Variants in TRMO observed in about 807,000 individuals in gnomAD.
TRMO encodes tRNA methyltransferase O.
Under a neutral mutation model 37.2 loss-of-function variants are expected in TRMO, and 30 were observed. That is an observed-to-expected ratio of 0.81 (90% CI 0.60 to 1.09). The LOEUF (loss-of-function observed/expected upper bound fraction) is 1.09, where lower values mean the gene tolerates loss of function less well. Ranked by LOEUF, TRMO falls within the 50% of genes least tolerant of loss-of-function variation. The probability of loss-of-function intolerance (pLI) is 0.00; values close to 1 mark genes in which losing one functional copy is unlikely to be tolerated. For missense variants in TRMO, 552 were observed against 549.5 expected, an observed-to-expected ratio of 1.00 and a Z score of -0.05; for synonymous variants, 239 against 199.4, an observed-to-expected ratio of 1.20 and a Z score of -1.67.
intron 3 of TRMO, chr9:97,912,972 A>C (rs1240376269): frequency 7.7e-7 from 1 of 1,292,082 alleles, no homozygotes; most frequent in African/African-American, 1.5e-5. Flanking sequence ...CCATTTCCCC[A>C]AGGCTGCAAG....
Position 97,916,275 on chromosome 9 carries a change from G to A in TRMO, c.140C>T (p.Pro47Leu). Residue 47 changes from proline (P) to leucine (L), a missense_variant, in exon 2 of 5, where the codon CCA becomes CTA. By Grantham distance (98) the Pro-to-Leu change is moderately conservative (BLOSUM62 -3). Coordinates refer to ENST00000375119, the MANE Select transcript of TRMO (RefSeq NM_016481.5). ...ESCFSAKNGT[P>L]RQPSICSYSR... is the part of the protein sequence containing the mutation. ...ATAGCTACAAATGGATGGCTGTCTT[G>A]GAGTACCATTCTTGGCCGAGAAACA... is the stretch of plus-strand genomic sequence containing the variant. The A allele has an allele frequency of 6.2e-7, 1 of 1,613,470 alleles. No homozygotes were observed. Among genetic ancestry groups the A allele is most frequent in the Non-Finnish European group, 8.5e-7 (1 of 1,179,586 alleles).
the TRMO span, among the ~76,000 whole-genome samples, chr9:97,897,939 T>C: frequency 3.0e-4 from 45 of 152,306 alleles, no homozygotes; most frequent in African/African-American, 1.0e-3. Flanking sequence ...TTTGAACTCC[T>C]TGCAGCCTTG....
At chr9:97,914,305 A>G (rs1826256183) in intron 2 of TRMO, among the ~76,000 whole-genome samples, 2 of 152,226 alleles carry the variant, frequency 1.3e-5, no homozygotes, top group Admixed American at 6.5e-5. Context: ...TTCACTAATA[A>G]TTAGAAATTT....
chr9:97,913,194 A>G, intron 3 of TRMO: 1 of 463,250 alleles, frequency 2.2e-6, no homozygotes, highest in Non-Finnish European at 4.0e-6. Flanking sequence ...AATAATATAA[A>G]CAAGCTCTGA....
chr9:97,917,993 A>AT (rs1268324485), intron 1 of TRMO, among the ~76,000 whole-genome samples: 1 of 151,318 alleles, frequency 6.6e-6, no homozygotes, highest in Non-Finnish European at 1.5e-5. Context: ...ATATTCACCA[A>AT]TTTTTTTAAC....
chr9:97,901,610 G>A (rs1413519143), downstream of TRMO, among the ~76,000 whole-genome samples: 2 of 151,992 alleles, frequency 1.3e-5, no homozygotes, highest in Admixed American at 6.5e-5. Flanking sequence ...CTTCAATTCC[G>A]GACATAAAAT....
intron 4 of TRMO, 84 bp from the exon 5 acceptor site, chr9:97,905,076 G>T: frequency 6.8e-7 from 1 of 1,471,730 alleles, no homozygotes; most frequent in South Asian, 1.2e-5. Flanking sequence ...GAATCTGGTT[G>T]GTTCCTTAAA....
chr9:97,916,775 G>T (rs564547994), intron 1 of TRMO, among the ~76,000 whole-genome samples: 1 of 143,514 alleles, frequency 7.0e-6, no homozygotes, highest in African/African-American at 2.6e-5. Context: ...GCCCGATCTC[G>T]GCTCACTGCA....
chr9:97,911,134 C>A (rs998733154), intron 3 of TRMO: 9 of 285,904 alleles, frequency 3.1e-5, no homozygotes, highest in Middle Eastern at 6.6e-4. Flanking sequence ...GTGACCCGCA[C>A]CTCCTGAAGT....
intron 2 of TRMO, 76 bp from the exon 3 acceptor site, chr9:97,913,634 G>GA: frequency 1.0e-6 from 1 of 962,132 alleles, no homozygotes; most frequent in Non-Finnish European, 1.6e-6. Context: ...ATCTGATGGG[G>GA]AAAAAAATGC....
intron 1 of TRMO, among the ~76,000 whole-genome samples, chr9:97,916,583 CAAGA>C (rs1826372956): frequency 6.6e-6 from 1 of 151,836 alleles, no homozygotes. Context: ...AATAATGGTC[CAAGA>C]AAGAAAGAAT....
Position 97,904,979 on chromosome 9 carries a change from C to T in TRMO, c.1080G>A (p.Ala360=), listed in dbSNP as rs375801063. ...GQLSSQDVGQ[A]SFKYFQSAEE... ...CTGCTGACTGAAAATATTTAAATGA[C>T]GCCTGACCAACATCTGCAATGAAAA... Residue 360 remains alanine (A), a synonymous_variant, in exon 5 of 5, where the codon GCG becomes GCA. Coordinates refer to ENST00000375119, the MANE Select transcript of TRMO (RefSeq NM_016481.5). 34 of 1,612,558 alleles carry T rather than the reference C, an allele frequency of 2.1e-5. No individual in the cohort carries two copies. Among genetic ancestry groups the T allele is most frequent in the Admixed American group, 3.3e-5 (2 of 59,990 alleles).
chr9:97,916,637 T>C (rs976662728), intron 1 of TRMO, among the ~76,000 whole-genome samples: 2 of 151,254 alleles, frequency 1.3e-5, no homozygotes, highest in Admixed American at 1.3e-4. Flanking sequence ...ACTATGACCA[T>C]AATTAAAATT....
intron 2 of TRMO, 59 bp from the exon 3 acceptor site, chr9:97,913,617 C>A: frequency 8.5e-7 from 1 of 1,172,012 alleles, no homozygotes; most frequent in South Asian, 1.3e-5. Context: ...GTTATTTTAC[C>A]ACAATGATCT....
rs1296606387 is a variant in TRMO at position 97,910,231 on chromosome 9, G to A, written c.795C>T (p.Ser265=). The A allele has an allele frequency of 3.7e-6, 6 of 1,614,200 alleles. No homozygotes were observed. Among genetic ancestry groups the A allele is most frequent in the Non-Finnish European group, 4.2e-6 (5 of 1,180,022 alleles). The change falls in exon 4 of 5, where the codon AGC becomes AGT. Residue 265 remains serine (S), a synonymous_variant. Coordinates refer to ENST00000375119, the MANE Select transcript of TRMO (RefSeq NM_016481.5). The part of the protein sequence containing the change: ...GLESRRDQSS[S]VAEEQIGPYC... ...ATGGGCCAATTTGTTCTTCTGCCACGCTGGAACTCTGATCACGTCTTGATT... is the reference window on the plus strand; with the variant it reads ...ATGGGCCAATTTGTTCTTCTGCCACACTGGAACTCTGATCACGTCTTGATT...
chr9:97,911,022 G>A (rs931673477), intron 3 of TRMO: 2 of 459,096 alleles, frequency 4.4e-6, no homozygotes, highest in Non-Finnish European at 8.7e-6. Flanking sequence ...ACTCATCTTT[G>A]TATCACTGGT....
chr9:97,898,295 G>T, the TRMO span, among the ~76,000 whole-genome samples: 1 of 152,162 alleles, frequency 6.6e-6, no homozygotes, highest in Non-Finnish European at 1.5e-5. Context: ...TAGGGTAAAT[G>T]CTGGAGAGTC....
At chr9:97,902,841 A>C (rs374158481), downstream of TRMO, among the ~76,000 whole-genome samples, 5 of 152,380 alleles carry the variant, frequency 3.3e-5, no homozygotes, top group African/African-American at 1.2e-4. Flanking sequence ...TTTAACGTTT[A>C]CTATAGTTAT....
At position 97,910,554 on chromosome 9, in the gene TRMO, G is replaced by C; in HGVS notation, c.472C>G (p.Pro158Ala). ...GGTGAGTCATACTCAGCTATGTAGGGCTTGATGTCTAGTACGGGTGTGCCA... is the reference window on the plus strand; with the variant it reads ...GGTGAGTCATACTCAGCTATGTAGGCCTTGATGTCTAGTACGGGTGTGCCA... ...IHGTPVLDIK[P>A]YIAEYDSPQN... is the part of the protein sequence containing the mutation. Residue 158 changes from proline to alanine, a missense_variant, in exon 4 of 5, where the codon CCC (proline) becomes GCC (alanine). Transcript: ENST00000375119. 6.2e-7 allele frequency: 1 copy of C among 1,614,120 alleles called. No individual in the cohort carries two copies. The highest frequency in any genetic ancestry group is 1.1e-5 in the South Asian group (1 of 91,086).
Sources: gnomAD v4.1 joint callset for allele counts (sites outside exome capture counted in the v4.1 genomes callset) on GRCh38, gnomAD v4.1.1 for gene constraint, MANE v1.5 for transcripts, NCBI Gene and HGNC (gene_info 2026-07-23, HGNC 2026-07-21) for gene names.